The following PRKD1 variants were observed in gnomAD, a reference collection of about 807,000 sequenced individuals.
The protein encoded by PRKD1 is protein kinase D1, also known as serine/threonine-protein kinase D1.
Under a neutral mutation model 95.9 loss-of-function variants are expected in PRKD1, and 63 were observed. The observed-to-expected ratio is 0.66, with a 90% CI of 0.54 to 0.81. PRKD1 has a LOEUF of 0.81. Among genes scored for constraint, PRKD1 ranks in the 30% least tolerant of loss-of-function variants. PRKD1 has a pLI of 0.00. For synonymous variants in PRKD1, 425 were observed against 423.1 expected (o/e 1.00, Z -0.05); for missense variants, 1,048 against 1,165.3 (o/e 0.90, Z 1.47).
rs377705572 is a variant in PRKD1, at chr14:29,638,888, T to C, written c.713A>G (p.Glu238Gly). The change falls in exon 5 of 18, where the codon GAG becomes GGG. Residue 238 changes from glutamate to glycine, a missense_variant. Glu to Gly is a moderately conservative substitution (Grantham distance 98, BLOSUM62 -2). Transcript: ENST00000331968. Reference sequence around the variant, plus strand: ...CCTCTTCTCTCGACCAATAAACGACTCTGATGGTGATTTTTGCTACATTTT... The same window carrying C: ...CCTCTTCTCTCGACCAATAAACGACCCTGATGGTGATTTTTGCTACATTTT... ...DEPLLQKSPS[E>G]SFIGREKRSN... 1.2e-6 allele frequency: 2 copies of C among 1,613,864 alleles called. No individual in the cohort carries two copies. Among genetic ancestry groups the C allele is most frequent in the African/African-American group, 2.7e-5 (2 of 74,898 alleles).
chr14:29,810,749 T>C (rs1047541769), intron 1 of PRKD1, among the ~76,000 whole-genome samples: 3 of 152,308 alleles, frequency 2.0e-5, no homozygotes, highest in Non-Finnish European at 2.9e-5. Context: ...AATGCCAACC[T>C]CAAAACCTAC....
chr14:29,671,997 A>G (rs1566528945), intron 2 of PRKD1, among the ~76,000 whole-genome samples: 1 of 152,196 alleles, frequency 6.6e-6, no homozygotes, highest in Non-Finnish European at 1.5e-5. Flanking sequence ...CCCTATGTAT[A>G]TATTTAAAAT....
At chr14:29,874,178 TA>T in intron 1 of PRKD1, among the ~76,000 whole-genome samples, 2 of 152,142 alleles carry the variant, frequency 1.3e-5, no homozygotes, top group Middle Eastern at 3.4e-3. Flanking sequence ...GGAGAAAAAA[TA>T]ACAGTCTTTG....
chr14:29,896,509 T>A (rs1430142852), intron 1 of PRKD1, among the ~76,000 whole-genome samples: 1 of 151,942 alleles, frequency 6.6e-6, no homozygotes, highest in Non-Finnish European at 1.5e-5. Flanking sequence ...CAGTAAATCA[T>A]CAGAAAAATA....
At chr14:29,600,396 A>G (rs1394838038) in intron 13 of PRKD1, among the ~76,000 whole-genome samples, 1 of 152,108 alleles carries the variant, frequency 6.6e-6, no homozygotes, top group Non-Finnish European at 1.5e-5. Flanking sequence ...ATACCATCCT[A>G]CCTGCTTGGT....
intron 2 of PRKD1, among the ~76,000 whole-genome samples, chr14:29,672,659 T>C (rs1882930478): frequency 6.6e-6 from 1 of 152,034 alleles, no homozygotes. Flanking sequence ...AGGAATCATA[T>C]AATAGTCTCT....
intron 2 of PRKD1, among the ~76,000 whole-genome samples, chr14:29,690,654 A>G (rs556883402): frequency 6.6e-6 from 1 of 152,318 alleles, no homozygotes; most frequent in African/African-American, 2.4e-5. Context: ...GCTCGCATGG[A>G]TAACGGCATG....
At chr14:29,745,621 G>A (rs934338475) in intron 1 of PRKD1, among the ~76,000 whole-genome samples, 1 of 151,828 alleles carries the variant, frequency 6.6e-6, no homozygotes, top group Admixed American at 6.6e-5. Context: ...GGCACATGCC[G>A]CCATGCCCAA....
At chr14:29,906,713 C>T (rs1894508759) in intron 1 of PRKD1, among the ~76,000 whole-genome samples, 4 of 152,224 alleles carry the variant, frequency 2.6e-5, no homozygotes, top group Admixed American at 2.6e-4. Context: ...AAGTTCTTGG[C>T]TGGAGGCCAC....
intron 1 of PRKD1, among the ~76,000 whole-genome samples, chr14:29,924,145 C>T (rs1346655281): frequency 1.3e-5 from 2 of 152,108 alleles, no homozygotes; most frequent in Non-Finnish European, 2.9e-5. Flanking sequence ...TGGATCAATA[C>T]TTTCTAAAAA....
intron 1 of PRKD1, among the ~76,000 whole-genome samples, chr14:29,862,942 C>G (rs1377957928): frequency 1.3e-5 from 2 of 152,110 alleles, no homozygotes; most frequent in Non-Finnish European, 2.9e-5. Flanking sequence ...TTGCCCAGAC[C>G]GATGTCCTGG....
chr14:29,858,547 A>G (rs1387201297), intron 1 of PRKD1, among the ~76,000 whole-genome samples: 3 of 152,124 alleles, frequency 2.0e-5, no homozygotes, highest in Admixed American at 6.5e-5. Flanking sequence ...ATTTCCCTTT[A>G]AATAATGCCC....
intron 1 of PRKD1, among the ~76,000 whole-genome samples, chr14:29,880,520 G>C (rs1893466719): frequency 6.6e-6 from 1 of 152,198 alleles, no homozygotes; most frequent in South Asian, 2.1e-4. Flanking sequence ...TGCTAGGGCA[G>C]TGCAGAAAGG....
intron 1 of PRKD1, among the ~76,000 whole-genome samples, chr14:29,749,289 T>C (rs1489218230): frequency 6.6e-6 from 1 of 152,042 alleles, no homozygotes; most frequent in Non-Finnish European, 1.5e-5. Context: ...CAAAAAAGCA[T>C]GAAAGAAGTA....
intron 1 of PRKD1, among the ~76,000 whole-genome samples, chr14:29,832,286 C>G (rs184228883): frequency 1.3e-5 from 2 of 152,288 alleles, no homozygotes; most frequent in East Asian, 3.9e-4. Flanking sequence ...AAATGTTGCT[C>G]TCATCCTTAT....
intron 1 of PRKD1, among the ~76,000 whole-genome samples, chr14:29,889,913 C>T (rs990962210): frequency 6.6e-6 from 1 of 152,186 alleles, no homozygotes; most frequent in African/African-American, 2.4e-5. Context: ...ACTCAAATAT[C>T]CTTTCATTCA....
At chr14:29,896,567 T>A (rs1000446395) in intron 1 of PRKD1, among the ~76,000 whole-genome samples, 7 of 152,112 alleles carry the variant, frequency 4.6e-5, no homozygotes, top group African/African-American at 1.4e-4. Flanking sequence ...AATCTTAGAT[T>A]GTAAAGCTGG....
At chr14:29,597,990 C>T (rs114981575) in intron 15 of PRKD1, among the ~76,000 whole-genome samples, 1,829 of 152,138 alleles carry the variant, frequency 0.012, 34 homozygotes, top group African/African-American at 0.042. Context: ...AAACAGTCTC[C>T]CTTGGCAGGG....
intron 2 of PRKD1, among the ~76,000 whole-genome samples, chr14:29,666,748 TATA>T (rs1478428364): frequency 6.6e-6 from 1 of 152,060 alleles, no homozygotes; most frequent in Non-Finnish European, 1.5e-5. Flanking sequence ...TTGGGCAATG[TATA>T]ATAACTAAGC....
Sources: gnomAD v4.1 joint callset for allele counts (sites outside exome capture counted in the v4.1 genomes callset) on GRCh38, gnomAD v4.1.1 for gene constraint, MANE v1.5 for transcripts, NCBI Gene and HGNC (gene_info 2026-07-23, HGNC 2026-07-21) for gene names.